The following ERICH1 variants were observed in gnomAD, a reference collection of about 807,000 sequenced individuals.
ERICH1 encodes glutamate-rich protein 1.
In ERICH1, 56 loss-of-function variants were observed where a neutral mutation model predicts 39.6. That is an observed-to-expected ratio of 1.41 (90% CI 1.14 to 1.77). The LOEUF (loss-of-function observed/expected upper bound fraction) is 1.77. Ranked by LOEUF, ERICH1 falls within the 40% of genes most tolerant of loss-of-function variation. ERICH1 has a pLI of 0.00. For missense variants in ERICH1, 826 were observed against 575.4 expected (o/e 1.44, Z -4.45); for synonymous variants, 313 against 223.6 (o/e 1.40, Z -3.57).
chr8:650,111 C>T (rs1053198187), intron 3 of ERICH1, among the ~76,000 whole-genome samples: 1 of 152,222 alleles, frequency 6.6e-6, no homozygotes, highest in Non-Finnish European at 1.5e-5. Context: ...GCGGTCTCAG[C>T]GCTCGCTCCA....
chr8:634,197 A>AC (rs1798251963), intron 3 of ERICH1, among the ~76,000 whole-genome samples: 2 of 151,708 alleles, frequency 1.3e-5, no homozygotes, highest in African/African-American at 4.9e-5. Context: ...CAAACAAAAA[A>AC]AACCCTGATT....
intron 2 of ERICH1, among the ~76,000 whole-genome samples, chr8:702,361 G>C (rs1812352263): frequency 6.6e-6 from 1 of 152,178 alleles, no homozygotes; most frequent in Admixed American, 6.5e-5. Flanking sequence ...TGAGCACACA[G>C]CGGCACAGCT....
intron 3 of ERICH1, among the ~76,000 whole-genome samples, chr8:630,605 C>T (rs1199542113): frequency 3.8e-5 from 4 of 106,146 alleles, no homozygotes; most frequent in East Asian, 3.1e-4. Flanking sequence ...CACACCCTCC[C>T]GTGAGCACCC....
At chr8:707,321 C>A (rs567726510) in intron 2 of ERICH1, among the ~76,000 whole-genome samples, 134 of 151,530 alleles carry the variant, frequency 8.8e-4, no homozygotes, top group African/African-American at 3.1e-3. Context: ...GACTCTACTG[C>A]GTCAGCCTCC....
At chr8:631,142 G>T (rs1346947523) in intron 3 of ERICH1, among the ~76,000 whole-genome samples, 1 of 152,246 alleles carries the variant, frequency 6.6e-6, no homozygotes, top group Non-Finnish European at 1.5e-5. Flanking sequence ...TGAGGCAGAG[G>T]TGACTCACAG....
chr8:699,947 G>A (rs1474054336), intron 2 of ERICH1, among the ~76,000 whole-genome samples: 1 of 132,196 alleles, frequency 7.6e-6, no homozygotes, highest in African/African-American at 2.9e-5. Flanking sequence ...ACCCGCACAC[G>A]CGCACAGGCC....
rs142103540 is a variant in ERICH1, at chr8:655,742, C to G, written c.976+12856G>C. 9.0e-4 allele frequency among the ~76,000 whole-genome samples: 135 copies of G among 150,828 alleles called. 1 individual carries two copies. The highest frequency in any genetic ancestry group is 3.2e-3 in the African/African-American group (132 of 41,000). ...TCTGTGCCCCACTTCCATTCCACTC[C>G]TCTCTCATGCACAGTCACACACGGT... is the stretch of plus-strand genomic sequence containing the variant. On this transcript the variant is annotated intron_variant, in intron 3 of 3. Coordinates refer to the ERICH1 transcript ENST00000522706.
At chr8:615,546 C>G (rs549407318) in intron 3 of ERICH1, 17 of 390,892 alleles carry the variant, frequency 4.3e-5, no homozygotes, top group Non-Finnish European at 7.2e-5. Flanking sequence ...GTGTTGATTA[C>G]GGAGGTGATG....
At chr8:650,674 C>T (rs1469693445) in intron 3 of ERICH1, among the ~76,000 whole-genome samples, 1 of 152,186 alleles carries the variant, frequency 6.6e-6, no homozygotes, top group African/African-American at 2.4e-5. Flanking sequence ...ACATGAGGCG[C>T]AGGACGCAAG....
chr8:620,416 C>A (rs956654391), intron 3 of ERICH1, among the ~76,000 whole-genome samples: 1 of 152,046 alleles, frequency 6.6e-6, no homozygotes, highest in Non-Finnish European at 1.5e-5. Flanking sequence ...TTGAACAAGT[C>A]AATCAAAAGG....
In ERICH1 at chr8:707,667, C is replaced by T. The variant is rs964228426; in HGVS notation, c.169+8194G>A. 3.9e-5 allele frequency among the ~76,000 whole-genome samples: 6 copies of T among 152,298 alleles called. No homozygotes were observed. In the South Asian group the frequency reaches 8.3e-4, roughly 21 times the overall value. ...GCTGAAAACGGATCAAGGACCTACACATAAGTGCTAAAACTATAAAACTCT... is the reference window on the plus strand; with the variant it reads ...GCTGAAAACGGATCAAGGACCTACATATAAGTGCTAAAACTATAAAACTCT... On this transcript the variant is annotated intron_variant, in intron 2 of 5. Transcript: ENST00000262109.
intron 2 of ERICH1, among the ~76,000 whole-genome samples, chr8:699,892 C>CGCGCACAGGCCCGCACAG (rs1811427630): frequency 3.6e-5 from 2 of 56,136 alleles, no homozygotes; most frequent in Non-Finnish European, 7.3e-5. Context: ...GATCCGCACA[C>CGCGCACAGGCCCGCACAG]GCGCACAGAC....
At chr8:705,037 A>C (rs1023587119) in intron 2 of ERICH1, among the ~76,000 whole-genome samples, 4 of 152,250 alleles carry the variant, frequency 2.6e-5, no homozygotes, top group African/African-American at 9.6e-5. Context: ...TTGGTTGTTG[A>C]CAAATCAGTC....
Position 668,603 on chromosome 8 carries a change from G to C in ERICH1, c.1253C>G (p.Pro418Arg), listed in dbSNP as rs1163427304. The C allele has an allele frequency of 1.9e-6, 3 of 1,614,192 alleles. No homozygotes were observed. Among genetic ancestry groups the C allele is most frequent in the African/African-American group, 2.7e-5 (2 of 75,054 alleles). ...LEMFPEHCTM[P>R]PDHARVISAF... ...ATAAATCGTACGGTACTTACCAGGAGGCATCGTGCAATGTTCTGGGAACAT... is the reference window on the plus strand; with the variant it reads ...ATAAATCGTACGGTACTTACCAGGACGCATCGTGCAATGTTCTGGGAACAT... The change falls in exon 5 of 6, where the codon CCT (proline) becomes CGT (arginine). Residue 418 changes from proline (P) to arginine (R), a missense_variant. Physicochemically the swap from Pro to Arg is moderately radical, Grantham distance 103. Transcript: ENST00000262109.
At chr8:698,288 C>T (rs1378407895) in intron 2 of ERICH1, among the ~76,000 whole-genome samples, 3 of 151,524 alleles carry the variant, frequency 2.0e-5, no homozygotes, top group Non-Finnish European at 4.4e-5. Flanking sequence ...GCTCGATCTC[C>T]GCTCACTGCA....
At chr8:652,405 TG>T (rs1176485668) in intron 3 of ERICH1, among the ~76,000 whole-genome samples, 1 of 152,206 alleles carries the variant, frequency 6.6e-6, no homozygotes, top group African/African-American at 2.4e-5. Context: ...TGTTGGCTGC[TG>T]GTTGGAAAGA....
At chr8:662,635 C>T (rs895835085), downstream of ERICH1, among the ~76,000 whole-genome samples, 1 of 152,024 alleles carries the variant, frequency 6.6e-6, no homozygotes, top group African/African-American at 2.4e-5. Flanking sequence ...GCAACAAAAG[C>T]GAGACTCCAT....
chr8:615,599 C>G (rs1420170172), intron 3 of ERICH1: 2 of 261,976 alleles, frequency 7.6e-6, no homozygotes, highest in African/African-American at 4.4e-5. Flanking sequence ...TATGAACTAT[C>G]CCTGATCTGC....
chr8:709,607 G>C (rs905618050), intron 2 of ERICH1, among the ~76,000 whole-genome samples: 1 of 152,202 alleles, frequency 6.6e-6, no homozygotes, highest in African/African-American at 2.4e-5. Context: ...GTATCTTACA[G>C]ATGCCACTGA....
Sources: gnomAD v4.1 joint callset for allele counts (sites outside exome capture counted in the v4.1 genomes callset) on GRCh38, gnomAD v4.1.1 for gene constraint, MANE v1.5 for transcripts, NCBI Gene and HGNC (gene_info 2026-07-23, HGNC 2026-07-21) for gene names.